The following CNTNAP5 variants were observed in gnomAD, a reference collection of about 807,000 sequenced individuals.
The protein encoded by CNTNAP5 is contactin associated protein family member 5, also known as contactin-associated protein-like 5.
CNTNAP5 carries 72 observed loss-of-function variants against 150.2 expected under a neutral mutation model. The ratio of observed to expected loss-of-function variants is 0.48; its 90% CI spans 0.40 to 0.58. CNTNAP5 has a LOEUF of 0.58. CNTNAP5 is among the 20% of genes least tolerant of loss of function. The pLI is 0.00. For synonymous variants in CNTNAP5, 672 were observed against 619.8 expected (o/e 1.08, Z -1.25); for missense variants, 1,636 against 1,626.2 (o/e 1.01, Z -0.10).
At chr2:124,228,846 A>C (rs1005726939) in intron 2 of CNTNAP5, among the ~76,000 whole-genome samples, 1 of 152,146 alleles carries the variant, frequency 6.6e-6, no homozygotes, top group African/African-American at 2.4e-5. Context: ...ATGAAATTTA[A>C]ATTGTAAAAC....
intron 12 of CNTNAP5, among the ~76,000 whole-genome samples, chr2:124,613,423 G>A (rs1199926874): frequency 6.6e-6 from 1 of 152,162 alleles, no homozygotes; most frequent in African/African-American, 2.4e-5. Context: ...TAAGTGCCTG[G>A]GGCCCAAGCC....
intron 6 of CNTNAP5, among the ~76,000 whole-genome samples, chr2:124,472,224 A>G (rs1693534436): frequency 6.6e-6 from 1 of 151,946 alleles, no homozygotes; most frequent in Non-Finnish European, 1.5e-5. Flanking sequence ...CAAACAAAAT[A>G]CTCTCTTGTC....
intron 2 of CNTNAP5, among the ~76,000 whole-genome samples, chr2:124,230,316 A>G (rs1353748362): frequency 6.6e-6 from 1 of 152,044 alleles, no homozygotes; most frequent in Non-Finnish European, 1.5e-5. Flanking sequence ...CACAATTAGC[A>G]TTTCAGCTGT....
At chr2:124,570,447 T>TG (rs1032057965) in intron 11 of CNTNAP5, among the ~76,000 whole-genome samples, 20 of 151,632 alleles carry the variant, frequency 1.3e-4, no homozygotes, top group African/African-American at 3.9e-4. Context: ...GAAGATGAAA[T>TG]GGGGGAGGCA....
In CNTNAP5 at chr2:124,917,527, A is replaced by C. The variant is rs572184933; in HGVS notation, c.*3239A>C. On this transcript the variant is annotated 3_prime_UTR_variant, in exon 24 of 24. Coordinates refer to ENST00000682447, the MANE Select transcript of CNTNAP5 (RefSeq NM_001367498.1). Reference sequence around the variant, plus strand: ...CTTCTATTTACCCTCTGCTGTATGCAGAAGATTTTAAGGATCCTAGCGGTG... The same window carrying C: ...CTTCTATTTACCCTCTGCTGTATGCCGAAGATTTTAAGGATCCTAGCGGTG... Among the ~76,000 whole-genome samples, 1 of 152,096 alleles carries C rather than the reference A, an allele frequency of 6.6e-6. No individual in the cohort carries two copies. The highest frequency in any genetic ancestry group is 2.4e-5 in the African/African-American group (1 of 41,444).
chr2:124,053,868 C>T (rs746200687), intron 1 of CNTNAP5, among the ~76,000 whole-genome samples: 2 of 152,132 alleles, frequency 1.3e-5, no homozygotes, highest in Non-Finnish European at 2.9e-5. Context: ...GAAATTATAA[C>T]AAGCATCTGA....
chr2:124,117,951 TG>T (rs750705660), intron 1 of CNTNAP5, among the ~76,000 whole-genome samples: 1 of 152,096 alleles, frequency 6.6e-6, no homozygotes, highest in East Asian at 1.9e-4. Context: ...CTAGGTATGG[TG>T]GCATGAACCT....
chr2:124,588,147 CTTCCTTCCTT>C (rs1235396515), intron 11 of CNTNAP5, among the ~76,000 whole-genome samples: 3 of 111,802 alleles, frequency 2.7e-5, no homozygotes, highest in African/African-American at 1.0e-4. Flanking sequence ...TCCTTCCTTC[CTTCCTTCCTT>C]TTCCTTCCTT....
intron 11 of CNTNAP5, among the ~76,000 whole-genome samples, chr2:124,598,864 C>A (rs571402232): frequency 6.6e-6 from 1 of 152,116 alleles, no homozygotes; most frequent in Non-Finnish European, 1.5e-5. Context: ...TTTTTTAAGC[C>A]GGTCTGAAAA....
At chr2:124,057,441 C>A (rs1681882623) in intron 1 of CNTNAP5, among the ~76,000 whole-genome samples, 1 of 81,614 alleles carries the variant, frequency 1.2e-5, no homozygotes, top group South Asian at 4.0e-4. Context: ...ACCAGCACGG[C>A]CAGCTAATTT....
chr2:124,211,172 A>T (rs1343067085), intron 1 of CNTNAP5, among the ~76,000 whole-genome samples: 1 of 152,230 alleles, frequency 6.6e-6, no homozygotes, highest in Non-Finnish European at 1.5e-5. Context: ...TGATAAAGAA[A>T]GTGCTAAAAA....
At chr2:124,682,206 G>A (rs529546070) in intron 13 of CNTNAP5, among the ~76,000 whole-genome samples, 1 of 152,244 alleles carries the variant, frequency 6.6e-6, no homozygotes, top group East Asian at 1.9e-4. Context: ...GAGATTTTCA[G>A]AGTCTCTCTG....
At chr2:124,572,184 G>T (rs1282891992) in intron 11 of CNTNAP5, among the ~76,000 whole-genome samples, 1 of 152,114 alleles carries the variant, frequency 6.6e-6, no homozygotes, top group Non-Finnish European at 1.5e-5. Flanking sequence ...AATGCACTGT[G>T]CAATTGAGTG....
At chr2:124,549,613 T>G (rs10496637) in intron 10 of CNTNAP5, among the ~76,000 whole-genome samples, 65,564 of 151,954 alleles carry the variant, frequency 0.43, 14,602 homozygotes, top group East Asian at 0.62. Context: ...AAAATCTTGA[T>G]TCACACAAAT....
At chr2:124,545,742 C>T (rs997169656) in intron 10 of CNTNAP5, among the ~76,000 whole-genome samples, 39 of 152,130 alleles carry the variant, frequency 2.6e-4, no homozygotes, top group Non-Finnish European at 2.9e-5. Context: ...TACCAGACTA[C>T]AGATGTTAAC....
chr2:124,198,712 G>GT (rs1489454385), intron 1 of CNTNAP5, among the ~76,000 whole-genome samples: 2 of 151,112 alleles, frequency 1.3e-5, no homozygotes, highest in Non-Finnish European at 2.9e-5. Context: ...TTAAGAAATA[G>GT]TTTTTTAGCT....
At chr2:124,489,632 C>T (rs969254195) in intron 7 of CNTNAP5, among the ~76,000 whole-genome samples, 1 of 152,170 alleles carries the variant, frequency 6.6e-6, no homozygotes, top group Non-Finnish European at 1.5e-5. Context: ...TCTCCTCCAA[C>T]TCCACTTCCT....
intron 17 of CNTNAP5, among the ~76,000 whole-genome samples, chr2:124,777,775 A>ATGTGTGTGTGTGTGTGTGTG (rs35863925): frequency 2.3e-5 from 3 of 130,600 alleles, no homozygotes; most frequent in African/African-American, 8.5e-5. Context: ...GAATGGAGGG[A>ATGTGTGTGTGTGTGTGTGTG]TGTGTGTGTG....
intron 1 of CNTNAP5, among the ~76,000 whole-genome samples, chr2:124,133,524 C>T (rs1278492746): frequency 1.3e-5 from 2 of 152,138 alleles, no homozygotes; most frequent in African/African-American, 4.8e-5. Context: ...GAAATGCTTT[C>T]CCTCTGCTTA....
Sources: allele counts gnomAD v4.1 joint callset (sites outside exome capture counted in the v4.1 genomes callset), GRCh38; gene constraint gnomAD v4.1.1; transcripts MANE v1.5; gene names NCBI Gene and HGNC (gene_info 2026-07-23, HGNC 2026-07-21).